Variants in IMPA2 observed in about 807,000 individuals in gnomAD.
IMPA2 encodes IMP 2.
A neutral mutation model predicts 35.1 loss-of-function variants in IMPA2; 32 were observed. The observed-to-expected ratio is 0.91, with a 90% CI of 0.69 to 1.23. IMPA2 has a LOEUF of 1.23. Ranked by LOEUF, IMPA2 falls within the 50% of genes most tolerant of loss-of-function variation. IMPA2 has a pLI of 0.00. For missense variants in IMPA2, 334 were observed against 387.6 expected, an observed-to-expected ratio of 0.86 and a Z score of 1.16; for synonymous variants, 135 against 160.6, an observed-to-expected ratio of 0.84 and a Z score of 1.20.
At chr18:12,024,597 C>T (rs887761936) in intron 5 of IMPA2, among the ~76,000 whole-genome samples, 1 of 152,176 alleles carries the variant, frequency 6.6e-6, no homozygotes, top group Non-Finnish European at 1.5e-5. Context: ...TTCTTGTCCC[C>T]CATGGCCTCC....
intron 6 of IMPA2, chr18:12,028,637 T>C (rs1907949888): frequency 3.3e-6 from 2 of 606,270 alleles, no homozygotes; most frequent in African/African-American, 1.9e-5. Context: ...GGAGCTGTCA[T>C]GGCACAAGGC....
intron 1 of IMPA2, among the ~76,000 whole-genome samples, chr18:11,985,317 C>A (rs575497370): frequency 6.6e-6 from 1 of 152,280 alleles, no homozygotes; most frequent in South Asian, 2.1e-4. Context: ...GCTTCTCATA[C>A]TTCCGTAATA....
chr18:12,024,203 G>A (rs140072398), intron 5 of IMPA2, among the ~76,000 whole-genome samples: 47 of 152,292 alleles, frequency 3.1e-4, no homozygotes, highest in Middle Eastern at 3.4e-3. Context: ...TATTGAAAGA[G>A]TGAGCAACAG....
intron 2 of IMPA2, among the ~76,000 whole-genome samples, chr18:12,007,002 C>G (rs1238638856): frequency 6.6e-6 from 1 of 152,212 alleles, no homozygotes; most frequent in Admixed American, 6.5e-5. Flanking sequence ...GTGTGGCGCA[C>G]GCCTGTAATC....
chr18:11,982,979 G>A (rs1165203539), intron 1 of IMPA2, among the ~76,000 whole-genome samples: 2 of 152,100 alleles, frequency 1.3e-5, no homozygotes, highest in East Asian at 1.9e-4. Flanking sequence ...GAAGTGAGTC[G>A]TCATAAAGTG....
rs1024036576 is a variant in IMPA2, at chr18:11,999,091, C to A, written c.134C>A (p.Ser45Ter). ...RKALTEEKRVSTKTSAADLVT... is the reference protein window; with the variant it reads ...RKALTEEKRV ...GCCCTTACTGAGGAAAAACGTGTCTCAACAAAAACATCAGCTGCAGATCTT... is the reference window on the plus strand; with the variant it reads ...GCCCTTACTGAGGAAAAACGTGTCTAAACAAAAACATCAGCTGCAGATCTT... Residue 45 changes from serine (S) to a stop codon, truncating the protein, a stop_gained, in exon 2 of 8, where the codon TCA (serine) becomes TAA (stop). Transcript: ENST00000269159. LOFTEE classifies it high-confidence loss of function. The A allele has an allele frequency of 3.1e-6, 5 of 1,613,654 alleles. No individual in the cohort carries two copies. Among genetic ancestry groups the A allele is most frequent in the Non-Finnish European group, 4.2e-6 (5 of 1,179,792 alleles).
At chr18:12,026,641 A>G (rs1376617776) in intron 5 of IMPA2, among the ~76,000 whole-genome samples, 2 of 152,152 alleles carry the variant, frequency 1.3e-5, no homozygotes, top group East Asian at 3.9e-4. Context: ...CACCCCGGAA[A>G]AAATACCATC....
rs1168155037 is a variant in IMPA2 at position 11,985,016 on chromosome 18, C to T, written c.96+3251C>T. 7.4e-5 allele frequency among the ~76,000 whole-genome samples: 11 copies of T among 148,712 alleles called. No homozygotes were observed. In the East Asian group the frequency reaches 1.2e-3, roughly 16 times the overall value. On this transcript the variant is annotated intron_variant, in intron 1 of 7. Transcript: ENST00000269159. ...AAAATCAGTCGAGCGTGGTGGCACA[C>T]GCCTGTAATCCCTGCTACTAAGGAG... is the stretch of plus-strand genomic sequence containing the variant.
intron 5 of IMPA2, among the ~76,000 whole-genome samples, chr18:12,024,623 T>G (rs1279329087): frequency 4.6e-5 from 7 of 152,196 alleles, no homozygotes; most frequent in African/African-American, 1.2e-4. Context: ...GACAATTCAT[T>G]CTTCCTTGAT....
At chr18:12,011,929 C>G (rs1229608704) in intron 3 of IMPA2, among the ~76,000 whole-genome samples, 1 of 152,388 alleles carries the variant, frequency 6.6e-6, no homozygotes, top group East Asian at 1.9e-4. Flanking sequence ...TGAGTTACAT[C>G]AGTCTTATGT....
At chr18:12,004,681 T>C (rs963563136) in intron 2 of IMPA2, among the ~76,000 whole-genome samples, 4 of 152,064 alleles carry the variant, frequency 2.6e-5, no homozygotes, top group Admixed American at 6.6e-5. Flanking sequence ...TGCACCACTA[T>C]GTCTGGGTAA....
chr18:12,030,153 G>A (rs1164661206), intron 7 of IMPA2, among the ~76,000 whole-genome samples, 190 bp from the exon 8 acceptor site: 4 of 152,240 alleles, frequency 2.6e-5, no homozygotes, highest in African/African-American at 4.8e-5. Flanking sequence ...GGGGTGGGGC[G>A]GGAGAGGCTC....
intron 1 of IMPA2, among the ~76,000 whole-genome samples, chr18:11,998,296 TG>T: frequency 6.6e-6 from 1 of 152,344 alleles, no homozygotes; most frequent in African/African-American, 2.4e-5. Flanking sequence ...TGGGTTTTCC[TG>T]GGGTTCTTGG....
intron 5 of IMPA2, among the ~76,000 whole-genome samples, chr18:12,023,788 T>C (rs1437008953): frequency 1.3e-5 from 2 of 152,196 alleles, no homozygotes; most frequent in Non-Finnish European, 2.9e-5. Context: ...CTGATTTTAC[T>C]GCTCAGAGAA....
chr18:12,030,338 C>G lies in IMPA2; in HGVS notation c.752-5C>G. Reference sequence around the variant, plus strand: ...GGATGCCTGGCTCTCTCTGTCTGTCCCCAGGTGGACCCCTCGACCTCATGG... The same window carrying G: ...GGATGCCTGGCTCTCTCTGTCTGTCGCCAGGTGGACCCCTCGACCTCATGG... On this transcript the variant is annotated splice_polypyrimidine_tract_variant and splice_region_variant and intron_variant, in intron 7 of 7. Coordinates refer to ENST00000269159, the MANE Select transcript of IMPA2 (RefSeq NM_014214.3). The G allele has an allele frequency of 2.5e-6, 4 of 1,612,506 alleles. No individual in the cohort carries two copies. The highest frequency in any genetic ancestry group is 3.4e-6 in the Non-Finnish European group (4 of 1,178,474).
chr18:12,029,138 C>T lies in IMPA2; in HGVS notation c.751+145C>T, dbSNP rs1201572120. On this transcript the variant is annotated intron_variant, in intron 7 of 7. Transcript: ENST00000269159. ...TTTTTTTTTTTTTTTTTTTTTGAGA[C>T]GGGGTCTTGGTGTCACACAGGATGG... The T allele has an allele frequency of 3.2e-4, 195 of 617,774 alleles. 1 individual carries two copies. The highest frequency in any genetic ancestry group is 2.3e-4 in the South Asian group (11 of 47,390). The allele number at this position is 617,774 out of a possible 1,614,324, so 38.3% of individuals were successfully genotyped here.
intron 4 of IMPA2, among the ~76,000 whole-genome samples, chr18:12,012,986 G>A (rs1041625383): frequency 1.3e-5 from 2 of 152,220 alleles, no homozygotes; most frequent in Non-Finnish European, 2.9e-5. Context: ...AGTAAGAATT[G>A]TAATACTGTA....
chr18:11,981,870 A>G, intron 1 of IMPA2, 105 bp downstream of exon 1: 1 of 739,118 alleles, frequency 1.4e-6, no homozygotes, highest in Non-Finnish European at 1.8e-6. Flanking sequence ...GCGGGCGCCC[A>G]GGGTCCGCAC....
At chr18:12,027,525 GT>G (rs1907913136) in intron 5 of IMPA2, among the ~76,000 whole-genome samples, 2 of 146,986 alleles carry the variant, frequency 1.4e-5, no homozygotes, top group African/African-American at 5.1e-5. Flanking sequence ...AGTGTTCCCA[GT>G]TTGGAGTCAT....
Sources: allele counts gnomAD v4.1 joint callset (sites outside exome capture counted in the v4.1 genomes callset), GRCh38; gene constraint gnomAD v4.1.1; transcripts MANE v1.5; gene names NCBI Gene and HGNC (gene_info 2026-07-23, HGNC 2026-07-21).